Variants in ZNF610 observed in about 807,000 individuals in gnomAD.
ZNF610 encodes the protein zink finger protein.
Under a neutral mutation model 14.1 loss-of-function variants are expected in ZNF610, and 14 were observed. The ratio of observed to expected loss-of-function variants is 0.99; its 90% CI spans 0.65 to 1.55. The LOEUF is 1.55. Ranked by LOEUF, ZNF610 falls within the 40% of genes most tolerant of loss-of-function variation. ZNF610 has a pLI of 0.00. For missense variants in ZNF610, 530 were observed against 558.0 expected, an observed-to-expected ratio of 0.95 and a Z score of 0.51; for synonymous variants, 185 against 187.6, an observed-to-expected ratio of 0.99 and a Z score of 0.11.
chr19:52,332,725 A>G (rs1470008335), upstream of ZNF610, among the ~76,000 whole-genome samples: 2 of 152,224 alleles, frequency 1.3e-5, no homozygotes, highest in Admixed American at 6.5e-5. This position sits in a 1 kb window ranked among gnomAD's most constrained non-coding sequence, Gnocchi z 4.1. Flanking sequence ...GACCTGATCC[A>G]TATAATCCAC....
Position 52,366,330 on chromosome 19 carries a change from T to TA in ZNF610, c.952_953insA (p.Cys318Ter). The TA allele has an allele frequency of 6.2e-7, 1 of 1,614,176 alleles. No individual in the cohort carries two copies. Among genetic ancestry groups the TA allele is most frequent in the Non-Finnish European group, 8.5e-7 (1 of 1,180,030 alleles). ...CCATACTGGAGAGAAACCTTACAAATGTAATGAGTGTGGCAAGAACTTCAG... is the reference window on the plus strand; with the variant it reads ...CCATACTGGAGAGAAACCTTACAAATAGTAATGAGTGTGGCAAGAACTTCAG... Reference protein sequence around the residue: ...VIHTGEKPYKCNECGKNFRHK... With the variant: ...VIHTGEKPYK Residue 318 changes from cysteine (C) to a stop codon, truncating the protein, a stop_gained and frameshift_variant, in exon 6 of 6, where the codon TGT becomes TAGT. Coordinates refer to ENST00000403906, the MANE Select transcript of ZNF610 (RefSeq NM_001161425.2). LOFTEE classifies it low-confidence loss of function (END_TRUNC).
At chr19:52,361,438 A>T (rs1248838785) in intron 5 of ZNF610, among the ~76,000 whole-genome samples, 1 of 152,050 alleles carries the variant, frequency 6.6e-6, no homozygotes, top group Non-Finnish European at 1.5e-5. Context: ...CGGCCTCCCA[A>T]ATTGCTGGGA....
intron 5 of ZNF610, among the ~76,000 whole-genome samples, chr19:52,361,265 G>A (rs1005707336): frequency 2.0e-5 from 3 of 149,328 alleles, no homozygotes; most frequent in Non-Finnish European, 4.4e-5. Flanking sequence ...TGCAACCTCC[G>A]CCTCCCAGGT....
At chr19:52,339,943 G>A (rs534527636) in intron 1 of ZNF610, among the ~76,000 whole-genome samples, 1 of 152,338 alleles carries the variant, frequency 6.6e-6, no homozygotes, top group South Asian at 2.1e-4. Context: ...ACAGGCGTGA[G>A]CCACCGATCC....
chr19:52,352,613 T>C (rs1985311550), intron 3 of ZNF610, among the ~76,000 whole-genome samples: 1 of 152,190 alleles, frequency 6.6e-6, no homozygotes, highest in Non-Finnish European at 1.5e-5. Flanking sequence ...AATCCTGTCA[T>C]TCGTTAGTTC....
intron 1 of ZNF610, among the ~76,000 whole-genome samples, chr19:52,340,023 C>T (rs972723712): frequency 7.9e-5 from 12 of 152,206 alleles, no homozygotes; most frequent in South Asian, 4.1e-4. Context: ...ACCTTTAACC[C>T]GTGGAATCTG....
chr19:52,341,604 G>A (rs1239845572), intron 1 of ZNF610, among the ~76,000 whole-genome samples: 1 of 151,710 alleles, frequency 6.6e-6, no homozygotes, highest in Non-Finnish European at 1.5e-5. Flanking sequence ...CACCGTGCGT[G>A]GCCCCTAAAT....
intron 5 of ZNF610, among the ~76,000 whole-genome samples, chr19:52,361,336 G>GCCT (rs1269141430): frequency 6.6e-6 from 1 of 151,862 alleles, no homozygotes; most frequent in East Asian, 1.9e-4. Context: ...GCACCACCAG[G>GCCT]CCTGGCTAAT....
At chr19:52,364,279 TTTTTG>T (rs1185897851) in intron 5 of ZNF610, among the ~76,000 whole-genome samples, 1 of 152,204 alleles carries the variant, frequency 6.6e-6, no homozygotes, top group African/African-American at 2.4e-5. Flanking sequence ...ATGCATGATT[TTTTTG>T]TTTTCTTTTT....
chr19:52,340,879 C>T (rs1984659797), intron 1 of ZNF610, among the ~76,000 whole-genome samples: 1 of 151,932 alleles, frequency 6.6e-6, no homozygotes, highest in Non-Finnish European at 1.5e-5. Context: ...CGGGGTTTCA[C>T]CATGTTGGCC....
upstream of ZNF610, among the ~76,000 whole-genome samples, chr19:52,335,570 T>C (rs981641750): frequency 6.6e-6 from 1 of 152,014 alleles, no homozygotes; most frequent in African/African-American, 2.4e-5. Context: ...TCAATTTGGG[T>C]GGGCACAATC....
upstream of ZNF610, among the ~76,000 whole-genome samples, chr19:52,334,756 G>T (rs953044451): frequency 1.3e-5 from 2 of 151,488 alleles, no homozygotes; most frequent in Admixed American, 1.3e-4. Flanking sequence ...TGGTGAAACC[G>T]TGTCTGTACT....
intron 3 of ZNF610, among the ~76,000 whole-genome samples, chr19:52,349,698 T>C (rs761931417): frequency 5.9e-5 from 9 of 151,720 alleles, no homozygotes; most frequent in Non-Finnish European, 1.3e-4. Flanking sequence ...GCCTCCTGAG[T>C]AGCTGAGATT....
chr19:52,340,116 A>G (rs1214772561), intron 1 of ZNF610, among the ~76,000 whole-genome samples: 2 of 152,222 alleles, frequency 1.3e-5, no homozygotes, highest in African/African-American at 4.8e-5. Context: ...ACTGGTCAGC[A>G]CGGGCCAGAC....
chr19:52,334,379 G>A (rs2122150835), upstream of ZNF610, among the ~76,000 whole-genome samples: 1 of 152,244 alleles, frequency 6.6e-6, no homozygotes, highest in East Asian at 1.9e-4. Flanking sequence ...CAGGCATGGT[G>A]GCACGTGCCT....
At chr19:52,356,723 A>C (rs1985538600) in intron 5 of ZNF610, among the ~76,000 whole-genome samples, 1 of 152,164 alleles carries the variant, frequency 6.6e-6, no homozygotes, top group Non-Finnish European at 1.5e-5. Flanking sequence ...ATTACAGTGT[A>C]TAATATGGAA....
chr19:52,334,493 T>C (rs914390255), upstream of ZNF610, among the ~76,000 whole-genome samples: 4 of 144,476 alleles, frequency 2.8e-5, no homozygotes, highest in Admixed American at 7.0e-5. Flanking sequence ...AGCATGGGTA[T>C]TGGAGTGAGA....
At chr19:52,352,719 G>A (rs1434968944) in intron 3 of ZNF610, among the ~76,000 whole-genome samples, 1 of 151,884 alleles carries the variant, frequency 6.6e-6, no homozygotes, top group Non-Finnish European at 1.5e-5. Context: ...CCTGTGCAGT[G>A]GTAATTGGCT....
intron 1 of ZNF610, among the ~76,000 whole-genome samples, chr19:52,344,497 C>T (rs372615398): frequency 6.6e-6 from 1 of 152,186 alleles, no homozygotes; most frequent in Non-Finnish European, 1.5e-5. Context: ...CTCAACCCCT[C>T]TGAGTGGAGC....
Sources: allele counts gnomAD v4.1 joint callset (sites outside exome capture counted in the v4.1 genomes callset), GRCh38; gene constraint gnomAD v4.1.1; non-coding constraint Gnocchi (gnomAD v3.1); transcripts MANE v1.5; gene names NCBI Gene and HGNC (gene_info 2026-07-23, HGNC 2026-07-21).